Variants in PLCB1 observed in about 807,000 individuals in gnomAD.
PLCB1 encodes 1-phosphatidylinositol 4,5-bisphosphate phosphodiesterase beta-1.
In PLCB1, 46 loss-of-function variants were observed where a neutral mutation model predicts 161.8. The ratio of observed to expected loss-of-function variants is 0.28; its 90% CI spans 0.22 to 0.36. The LOEUF is 0.36. PLCB1 is among the 10% of genes least tolerant of loss of function. The probability of loss-of-function intolerance (pLI) is 1.00; values close to 1 mark genes in which losing one functional copy is unlikely to be tolerated. For synonymous variants in PLCB1, 517 were observed against 503.7 expected (o/e 1.03, Z -0.35); for missense variants, 1,016 against 1,472.5 (o/e 0.69, Z 5.07).
At chr20:8,318,121 C>T (rs1167007891) in intron 2 of PLCB1, among the ~76,000 whole-genome samples, 2 of 151,778 alleles carry the variant, frequency 1.3e-5, no homozygotes, top group African/African-American at 4.8e-5. Flanking sequence ...TAAGCCTTAT[C>T]TCTGTGATGC....
At chr20:8,471,958 T>C (rs2122717530) in intron 3 of PLCB1, among the ~76,000 whole-genome samples, 1 of 152,326 alleles carries the variant, frequency 6.6e-6, no homozygotes, top group African/African-American at 2.4e-5. Context: ...AGTTGAGTTG[T>C]TACTGGCTTT....
At chr20:8,321,802 C>G (rs1438129732) in intron 2 of PLCB1, among the ~76,000 whole-genome samples, 1 of 152,152 alleles carries the variant, frequency 6.6e-6, no homozygotes, top group Non-Finnish European at 1.5e-5. Flanking sequence ...TTCTGGAGGA[C>G]TTTGGTCATC....
At chr20:8,307,599 C>T (rs1984190102) in intron 2 of PLCB1, among the ~76,000 whole-genome samples, 1 of 151,936 alleles carries the variant, frequency 6.6e-6, no homozygotes, top group Non-Finnish European at 1.5e-5. Flanking sequence ...CCCACCTAAT[C>T]CCAATTAATC....
At chr20:8,235,781 A>G (rs2123193219) in intron 2 of PLCB1, among the ~76,000 whole-genome samples, 1 of 152,218 alleles carries the variant, frequency 6.6e-6, no homozygotes, top group Admixed American at 6.5e-5. Context: ...TTTCTAAAAT[A>G]CTTTTATAAA....
rs1324024187 is a variant in PLCB1 at position 8,851,788 on chromosome 20, G to T, written c.3424-29834G>T. Among the ~76,000 whole-genome samples the T allele has an allele frequency of 3.3e-5, 5 of 149,830 alleles. No homozygotes were observed. The East Asian group carries it at 9.7e-4, about 29-fold the overall frequency. On this transcript the variant is annotated intron_variant, in intron 31 of 31. Transcript: ENST00000338037. ...TTAGGAGACTCACACAAAAGTAAGA[G>T]AATCTTTCTAGGGAAATGTTCTCTT...
At chr20:8,667,889 C>T (rs1013617850) in intron 9 of PLCB1, among the ~76,000 whole-genome samples, 2 of 152,038 alleles carry the variant, frequency 1.3e-5, no homozygotes, top group African/African-American at 4.8e-5. Context: ...TGTGACCTCC[C>T]AGCAGAACAC....
intron 2 of PLCB1, among the ~76,000 whole-genome samples, chr20:8,354,235 T>C (rs1157883401): frequency 6.6e-6 from 1 of 152,110 alleles, no homozygotes; most frequent in Non-Finnish European, 1.5e-5. Flanking sequence ...AAAATTGTAA[T>C]TTGTATCGTG....
chr20:8,578,902 G>A (rs973607134), intron 3 of PLCB1, among the ~76,000 whole-genome samples: 1 of 152,154 alleles, frequency 6.6e-6, no homozygotes, highest in Non-Finnish European at 1.5e-5. Flanking sequence ...AATTTCTGAT[G>A]GCAGTCACAT....
chr20:8,867,784 C>G (rs1379634795), intron 31 of PLCB1, among the ~76,000 whole-genome samples: 1 of 152,114 alleles, frequency 6.6e-6, no homozygotes, highest in Non-Finnish European at 1.5e-5. Context: ...GCTACAGATT[C>G]CACTACTTCT....
intron 2 of PLCB1, among the ~76,000 whole-genome samples, chr20:8,283,575 A>C (rs1274075330): frequency 4.0e-5 from 6 of 151,418 alleles, no homozygotes; most frequent in Non-Finnish European, 8.8e-5. Flanking sequence ...ATCAATCAAT[A>C]AATAAAATAA....
intron 3 of PLCB1, among the ~76,000 whole-genome samples, chr20:8,416,292 A>T (rs1012594108): frequency 3.3e-5 from 5 of 152,192 alleles, no homozygotes; most frequent in African/African-American, 1.2e-4. Context: ...GATGTAAAAT[A>T]ACTTATGTAT....
chr20:8,270,853 T>C (rs1403853947), intron 2 of PLCB1, among the ~76,000 whole-genome samples: 1 of 152,144 alleles, frequency 6.6e-6, no homozygotes, highest in Non-Finnish European at 1.5e-5. Flanking sequence ...CTTGATTAAA[T>C]GCCTCAGTTA....
intron 3 of PLCB1, among the ~76,000 whole-genome samples, chr20:8,497,301 T>C (rs1419644205): frequency 6.6e-6 from 1 of 152,200 alleles, no homozygotes; most frequent in Non-Finnish European, 1.5e-5. Context: ...ATTAACTGCA[T>C]TGTTGAGTAT....
chr20:8,820,308 T>C (rs1985279840), intron 31 of PLCB1, among the ~76,000 whole-genome samples: 1 of 148,466 alleles, frequency 6.7e-6, no homozygotes, highest in African/African-American at 2.4e-5. Flanking sequence ...AGACAAACAG[T>C]AGAAAAATGT....
At chr20:8,740,231 T>G (rs1334736367) in intron 21 of PLCB1, 113 bp from the exon 22 acceptor site, 1 of 622,304 alleles carries the variant, frequency 1.6e-6, no homozygotes, top group African/African-American at 1.9e-5. Context: ...AAAAGTGATT[T>G]GTTTTTCATC....
intron 3 of PLCB1, among the ~76,000 whole-genome samples, chr20:8,459,142 G>A (rs1981457434): frequency 6.6e-6 from 1 of 152,134 alleles, no homozygotes; most frequent in Admixed American, 6.6e-5. Flanking sequence ...GTTATAACAT[G>A]AACCGAGAAA....
Position 8,582,840 on chromosome 20 carries a change from TTAGCCGGACA to T in PLCB1, c.247-45450_247-45441del, listed in dbSNP as rs778993547. Among the ~76,000 whole-genome samples, 4 of 151,934 alleles carry T rather than the reference TTAGCCGGACA, an allele frequency of 2.6e-5. No individual in the cohort carries two copies. The East Asian group carries it at 5.8e-4, about 22-fold the overall frequency. On this transcript the variant is annotated intron_variant, in intron 3 of 31. Transcript: ENST00000338037. ...CTTTCTCTACTAAAAATACAAAAAA[TTAGCCGGACA>T]TAGTGGCACATGCTTGTAATCCCAG...
intron 2 of PLCB1, among the ~76,000 whole-genome samples, chr20:8,326,392 G>A (rs1031419153): frequency 3.3e-5 from 5 of 152,148 alleles, no homozygotes; most frequent in Admixed American, 2.0e-4. Context: ...CCAGCCCAGC[G>A]CTTACAGCAC....
chr20:8,733,923 C>G (rs1980430355), intron 19 of PLCB1, among the ~76,000 whole-genome samples: 1 of 148,516 alleles, frequency 6.7e-6, no homozygotes, highest in Non-Finnish European at 1.5e-5. Context: ...AGATCGAGAC[C>G]ATCCTGGCTA....
Sources: allele counts gnomAD v4.1 joint callset (sites outside exome capture counted in the v4.1 genomes callset), GRCh38; gene constraint gnomAD v4.1.1; transcripts MANE v1.5; gene names NCBI Gene and HGNC (gene_info 2026-07-23, HGNC 2026-07-21).